FANCI: variants seen among roughly 807,000 people sequenced by gnomAD.
FANCI encodes the protein FA complementation group I, also known as Fanconi anemia group I protein.
FANCI carries 156 observed loss-of-function variants against 176.1 expected under a neutral mutation model. The ratio of observed to expected loss-of-function variants is 0.89; its 90% CI spans 0.78 to 1.01. The LOEUF is 1.01. FANCI is among the 50% of genes least tolerant of loss of function. The probability of loss-of-function intolerance (pLI) is 0.00; values close to 1 mark genes in which losing one functional copy is unlikely to be tolerated. For missense variants in FANCI, 1,678 were observed against 1,534.1 expected (o/e 1.09, Z -1.57); for synonymous variants, 613 against 541.7 (o/e 1.13, Z -1.83).
intron 24 of FANCI, among the ~76,000 whole-genome samples, chr15:89,296,797 C>T (rs1225914188): frequency 1.3e-5 from 2 of 150,584 alleles, no homozygotes; most frequent in African/African-American, 2.4e-5. Context: ...GGCGGCTGGC[C>T]AGGTGGGGGG....
intron 32 of FANCI, 81 bp from the exon 33 acceptor site, chr15:89,307,395 T>A (rs2054764614): frequency 1.5e-6 from 2 of 1,358,732 alleles, no homozygotes; most frequent in Admixed American, 3.8e-5. Context: ...GAATGATGAG[T>A]CACACTCCAT....
intron 23 of FANCI, among the ~76,000 whole-genome samples, chr15:89,294,464 A>AG (rs890839050): frequency 1.3e-5 from 2 of 152,172 alleles, no homozygotes; most frequent in African/African-American, 4.8e-5. Context: ...GCGCACCTGT[A>AG]GTCCCGGCTA....
Position 89,295,597 on chromosome 15 carries a change from C to T in FANCI, c.2636+503C>T, listed in dbSNP as rs368376384. Among the ~76,000 whole-genome samples the T allele has an allele frequency of 1.1e-4, 17 of 151,818 alleles. No homozygotes were observed. In the East Asian group the frequency reaches 2.0e-3, roughly 17 times the overall value. On this transcript the variant is annotated intron_variant, in intron 24 of 37. Coordinates refer to ENST00000310775, the MANE Select transcript of FANCI (RefSeq NM_001113378.2). The stretch of plus-strand genomic sequence containing the variant: ...AGGAGAATTGCTCGAACCTGGGAGG[C>T]GGAGGTTGCAGTGAGCCTAGATTGT...
intron 1 of FANCI, among the ~76,000 whole-genome samples, chr15:89,247,288 A>G (rs1195052438): frequency 6.6e-6 from 1 of 152,190 alleles, no homozygotes; most frequent in Non-Finnish European, 1.5e-5. Flanking sequence ...AATGTATTAC[A>G]TACTTGATAT....
In FANCI at chr15:89,306,006, G is replaced by GA. The variant is rs1184067978; in HGVS notation, c.3351dup (p.Glu1118ArgfsTer14). ...AATGTGCCAATTTTATTTCCCTTTA[G>GA]AAGAGGCCTCTTCTCAGGCAACCCT... On this transcript the variant is annotated frameshift_variant and splice_region_variant. Coordinates refer to ENST00000310775, the MANE Select transcript of FANCI (RefSeq NM_001113378.2). LOFTEE classifies it high-confidence loss of function. 6.2e-7 allele frequency: 1 copy of GA among 1,613,984 alleles called. No individual in the cohort carries two copies. Among genetic ancestry groups the GA allele is most frequent in the Non-Finnish European group, 8.5e-7 (1 of 1,180,020 alleles).
chr15:89,294,147 A>C (rs1057036946), intron 23 of FANCI, 150 bp downstream of exon 23: 30 of 853,278 alleles, frequency 3.5e-5, no homozygotes, highest in Non-Finnish European at 5.0e-5. Context: ...GGACAATCCT[A>C]GGTAGGTACT....
chr15:89,270,235 T>C (rs775799382), intron 10 of FANCI, among the ~76,000 whole-genome samples: 2 of 152,256 alleles, frequency 1.3e-5, no homozygotes, highest in African/African-American at 2.4e-5. Context: ...TGCCAACCAC[T>C]GTTCTGTGCA....
intron 2 of FANCI, among the ~76,000 whole-genome samples, chr15:89,250,445 CA>C (rs914801018): frequency 1.3e-5 from 2 of 150,148 alleles, no homozygotes; most frequent in African/African-American, 4.9e-5. Context: ...ATCGCAAGGA[CA>C]AAAAAACCAA....
Position 89,260,737 on chromosome 15 carries a change from G to T in FANCI, c.182G>T (p.Gly61Val), listed in dbSNP as rs780853984. 6.2e-7 allele frequency: 1 copy of T among 1,613,926 alleles called. No individual in the cohort carries two copies. The highest frequency in any genetic ancestry group is 1.1e-5 in the South Asian group (1 of 91,056). The change falls in exon 4 of 38, where the codon GGA becomes GTA. Residue 61 changes from glycine to valine, a missense_variant. Gly to Val is a moderately radical substitution (Grantham distance 109). Coordinates refer to ENST00000310775, the MANE Select transcript of FANCI (RefSeq NM_001113378.2). ...GGTTCCCCCTGCTCTGAGGAAGCTG[G>T]AACACTTAGGAGACGTAAGATATAC... ...FKGSPCSEEA[G>V]TLRRRKIYTC...
Position 89,295,743 on chromosome 15 carries a change from CT to C in FANCI, c.2636+660del, listed in dbSNP as rs1555448225. On this transcript the variant is annotated intron_variant, in intron 24 of 37. Transcript: ENST00000310775. ...TGCCTTCCCCTGGCGCCCCCCCCAC[CT>C]TTTTTTTTTTGTTGTTGTTGTTGTT... Among the ~76,000 whole-genome samples, 468 of 127,338 alleles carry C rather than the reference CT, an allele frequency of 3.7e-3. 16 individuals are homozygous for C. Among genetic ancestry groups the C allele is most frequent in the African/African-American group, 0.011 (399 of 35,222 alleles). The allele number at this position is 127,338 out of a possible 152,430, so 83.5% of individuals were successfully genotyped here.
At chr15:89,245,918 GAGAT>G (rs1404685930) in intron 1 of FANCI, 1 of 152,410 alleles carries the variant, frequency 6.6e-6, no homozygotes, top group African/African-American at 2.4e-5. Flanking sequence ...GTTCAGGTGA[GAGAT>G]GGTGGTGGCT....
Position 89,264,410 on chromosome 15 carries a change from T to A in FANCI, c.670-112T>A. ...TCTTAGTTTGAGTCTAAGTCATAGA[T>A]TATTTATTTAAATTTGTACTGGAGA... is the stretch of plus-strand genomic sequence containing the variant. On this transcript the variant is annotated intron_variant, in intron 8 of 37. Coordinates refer to ENST00000310775, the MANE Select transcript of FANCI (RefSeq NM_001113378.2). 3.5e-6 allele frequency: 3 copies of A among 852,362 alleles called. No individual in the cohort carries two copies. In the South Asian group the frequency reaches 4.3e-5, roughly 12 times the overall value. 52.8% of individuals were successfully genotyped at this position (852,362 alleles called of 1,614,324 possible). A position where few individuals can be genotyped will look rare whatever the true frequency, so the allele number is the denominator to read the frequency against.
At chr15:89,315,493 G>T in intron 37 of FANCI, 104 bp downstream of exon 37, 2 of 786,086 alleles carry the variant, frequency 2.5e-6, no homozygotes, top group Non-Finnish European at 2.2e-6. Flanking sequence ...AATGGGAAAG[G>T]GCTAAAAGGT....
At chr15:89,254,128 T>TG (rs2052392922) in intron 2 of FANCI, among the ~76,000 whole-genome samples, 1 of 152,180 alleles carries the variant, frequency 6.6e-6, no homozygotes, top group African/African-American at 2.4e-5. Flanking sequence ...GGAAACTGCG[T>TG]GGGTGGATCA....
chr15:89,307,709 A>G, intron 34 of FANCI, 37 bp downstream of exon 34: 3 of 1,614,142 alleles, frequency 1.9e-6, no homozygotes, highest in Non-Finnish European at 2.5e-6. Context: ...TAGGTCTTCA[A>G]GAAAGGATTT....
chr15:89,279,440 G>A (rs1482008536), intron 14 of FANCI, among the ~76,000 whole-genome samples: 1 of 152,210 alleles, frequency 6.6e-6, no homozygotes, highest in East Asian at 1.9e-4. Context: ...TTACAGGCGT[G>A]AGCCACCATG....
intron 11 of FANCI, 71 bp from the exon 12 acceptor site, chr15:89,274,093 ATTTC>A (rs1188181702): frequency 4.2e-5 from 47 of 1,111,330 alleles, no homozygotes; most frequent in South Asian, 1.5e-4. Flanking sequence ...TTATTTTCTT[ATTTC>A]TTTCATTCTG....
chr15:89,296,419 T>G lies in FANCI; in HGVS notation c.2636+1325T>G, dbSNP rs199823708. 5.8e-4 allele frequency among the ~76,000 whole-genome samples: 77 copies of G among 133,810 alleles called. No individual in the cohort carries two copies. The South Asian group carries it at 7.7e-3, about 13-fold the overall frequency. The allele number at this position is 133,810 out of a possible 152,430, so 87.8% of individuals were successfully genotyped here. A position where few individuals can be genotyped will look rare whatever the true frequency, so the allele number is the denominator to read the frequency against. ...CACTGTGGCTTTTGTTTTTTCGTTT[T>G]TTTTGTTTTGTTTTGTTTTTGTTTT... is the stretch of plus-strand genomic sequence containing the variant. On this transcript the variant is annotated intron_variant, in intron 24 of 37. Coordinates refer to ENST00000310775, the MANE Select transcript of FANCI (RefSeq NM_001113378.2).
chr15:89,315,306 C>T lies in FANCI; in HGVS notation c.3841C>T (p.Leu1281Phe), dbSNP rs1365743169. 6.2e-7 allele frequency: 1 copy of T among 1,613,560 alleles called. No individual in the cohort carries two copies. The highest frequency in any genetic ancestry group is 1.1e-5 in the South Asian group (1 of 91,064). ...SKVNLMQHMK[L>F]STSRDFKIKG... ...GGTGAACCTGATGCAGCACATGAAGCTCAGCACCTCACGAGACTTCAAGAT... is the reference window on the plus strand; with the variant it reads ...GGTGAACCTGATGCAGCACATGAAGTTCAGCACCTCACGAGACTTCAAGAT... Residue 1281 changes from leucine to phenylalanine, a missense_variant, in exon 37 of 38, where the codon CTC becomes TTC. By Grantham distance (22) the Leu-to-Phe change is conservative (BLOSUM62 0). Transcript: ENST00000310775.
Sources: gnomAD v4.1 joint callset for allele counts (sites outside exome capture counted in the v4.1 genomes callset) on GRCh38, gnomAD v4.1.1 for gene constraint, MANE v1.5 for transcripts, NCBI Gene and HGNC (gene_info 2026-07-23, HGNC 2026-07-21) for gene names.